Variants in CALD1 observed in about 807,000 individuals in gnomAD.
The protein encoded by CALD1 is caldesmon 1.
Under a neutral mutation model 99.9 loss-of-function variants are expected in CALD1, and 33 were observed. The observed-to-expected ratio is 0.33, with a 90% CI of 0.25 to 0.44. The LOEUF is 0.44. Ranked by LOEUF, CALD1 falls within the 20% of genes least tolerant of loss-of-function variation. The pLI, the probability that CALD1 is intolerant of heterozygous loss-of-function variation, is 1.00. For synonymous variants in CALD1, 310 were observed against 325.0 expected, an observed-to-expected ratio of 0.95 and a Z score of 0.50; for missense variants, 861 against 962.1, an observed-to-expected ratio of 0.89 and a Z score of 1.39.
At chr7:134,744,802 T>G (rs1796621297) in intron 1 of CALD1, among the ~76,000 whole-genome samples, 1 of 152,078 alleles carries the variant, frequency 6.6e-6, no homozygotes, top group Non-Finnish European at 1.5e-5. Flanking sequence ...CTTTTCTCTC[T>G]TTGCTCTTGA....
chr7:134,793,943 C>A (rs1342226908), intron 1 of CALD1, among the ~76,000 whole-genome samples: 1 of 152,054 alleles, frequency 6.6e-6, no homozygotes, highest in Non-Finnish European at 1.5e-5. Flanking sequence ...TTACTCTACT[C>A]TGCTCTCTAT....
intron 3 of CALD1, among the ~76,000 whole-genome samples, chr7:134,890,419 A>T (rs1802096749): frequency 1.3e-5 from 2 of 152,178 alleles, no homozygotes; most frequent in African/African-American, 4.8e-5. Flanking sequence ...CGCAGATCTC[A>T]AAGATCTCTT....
intron 3 of CALD1, among the ~76,000 whole-genome samples, chr7:134,901,749 CT>C (rs1465859409): frequency 6.6e-6 from 1 of 151,974 alleles, no homozygotes; most frequent in Non-Finnish European, 1.5e-5. Context: ...TATTCCTTGG[CT>C]TAGGCCATCG....
At chr7:134,777,498 G>T (rs1796928439), upstream of CALD1, among the ~76,000 whole-genome samples, 1 of 152,104 alleles carries the variant, frequency 6.6e-6, no homozygotes, top group East Asian at 1.9e-4. Context: ...TTCCCCATTT[G>T]TAGCACAACT....
intron 1 of CALD1, among the ~76,000 whole-genome samples, chr7:134,809,022 CA>C (rs1255043065): frequency 6.6e-6 from 1 of 152,070 alleles, no homozygotes; most frequent in Non-Finnish European, 1.5e-5. Context: ...ATAGTACAAC[CA>C]GGGGAGAGAC....
intron 14 of CALD1, among the ~76,000 whole-genome samples, chr7:134,967,569 T>C (rs1298144026): frequency 6.6e-6 from 1 of 151,946 alleles, no homozygotes; most frequent in Non-Finnish European, 1.5e-5. Context: ...AAATAGAGAT[T>C]GCTAGATTAA....
At chr7:134,761,023 A>T (rs148965637) in intron 1 of CALD1, among the ~76,000 whole-genome samples, 1 of 152,344 alleles carries the variant, frequency 6.6e-6, no homozygotes, top group African/African-American at 2.4e-5. Context: ...GTCTGGGGAT[A>T]GTCAGGCTTA....
intron 3 of CALD1, among the ~76,000 whole-genome samples, chr7:134,904,699 C>G (rs1270514177): frequency 1.3e-5 from 2 of 152,110 alleles, no homozygotes; most frequent in African/African-American, 4.8e-5. Flanking sequence ...GCTTTTGCCT[C>G]TTTGTGATCA....
At chr7:134,778,719 T>C (rs1344149689), upstream of CALD1, among the ~76,000 whole-genome samples, 1 of 152,204 alleles carries the variant, frequency 6.6e-6, no homozygotes, top group Admixed American at 6.5e-5. Context: ...CTGAACATTA[T>C]GTCACCTCTG....
chr7:134,842,811 T>G (rs995085509), intron 1 of CALD1, among the ~76,000 whole-genome samples: 3 of 152,206 alleles, frequency 2.0e-5, no homozygotes, highest in Admixed American at 6.5e-5. Context: ...CAGTTTTTCA[T>G]GCTACTGAAT....
At chr7:134,950,274 A>G in intron 8 of CALD1, 100 bp from the exon 9 acceptor site, 1 of 1,171,966 alleles carries the variant, frequency 8.5e-7, no homozygotes, top group Non-Finnish European at 1.2e-6. Flanking sequence ...CTGCGGCCTG[A>G]GTCTGCTGCC....
chr7:134,774,635 G>A (rs769711009), upstream of CALD1, among the ~76,000 whole-genome samples: 4 of 152,026 alleles, frequency 2.6e-5, no homozygotes, highest in Admixed American at 1.3e-4. Context: ...CTGCTCCACC[G>A]CCTGTCCTCA....
At chr7:134,781,343 C>T (rs1459818005) in intron 1 of CALD1, among the ~76,000 whole-genome samples, 13 of 152,120 alleles carry the variant, frequency 8.5e-5, no homozygotes, top group African/African-American at 2.7e-4. Flanking sequence ...CCAACATCTC[C>T]GAATCCCTGA....
At chr7:134,787,430 A>T (rs1708391522) in intron 1 of CALD1, among the ~76,000 whole-genome samples, 1 of 152,212 alleles carries the variant, frequency 6.6e-6, no homozygotes, top group Non-Finnish European at 1.5e-5. Context: ...TTTTGAGCAG[A>T]TATTTCGCTT....
At chr7:134,893,812 G>A (rs1311311873) in intron 3 of CALD1, among the ~76,000 whole-genome samples, 2 of 152,314 alleles carry the variant, frequency 1.3e-5, no homozygotes, top group Middle Eastern at 3.4e-3. Flanking sequence ...CAAAGTTAAG[G>A]ATGTGCCTGG....
At chr7:134,873,481 A>G (rs958153324) in intron 3 of CALD1, among the ~76,000 whole-genome samples, 1 of 152,192 alleles carries the variant, frequency 6.6e-6, no homozygotes, top group Non-Finnish European at 1.5e-5. Context: ...GGAGAGAGAA[A>G]CCCAGTTCTC....
intron 3 of CALD1, among the ~76,000 whole-genome samples, chr7:134,911,483 T>C (rs1053873635): frequency 1.3e-5 from 2 of 152,338 alleles, no homozygotes; most frequent in Middle Eastern, 3.4e-3. Context: ...TTAAACACCA[T>C]TTTTGCAGTA....
intron 2 of CALD1, chr7:134,866,959 A>T (rs1025447649): frequency 1.4e-4 from 21 of 152,256 alleles, no homozygotes; most frequent in African/African-American, 4.1e-4. Flanking sequence ...TCCATGGCAC[A>T]GAAACGCAGG....
At chr7:134,836,000 C>T (rs547434859) in intron 1 of CALD1, among the ~76,000 whole-genome samples, 62 of 152,010 alleles carry the variant, frequency 4.1e-4, no homozygotes, top group African/African-American at 1.4e-3. Context: ...CAAACATTAG[C>T]TAGGTGTGGC....
Sources: gnomAD v4.1 joint callset for allele counts (sites outside exome capture counted in the v4.1 genomes callset) on GRCh38, gnomAD v4.1.1 for gene constraint, MANE v1.5 for transcripts, NCBI Gene and HGNC (gene_info 2026-07-23, HGNC 2026-07-21) for gene names.